Variants in KALRN observed in about 807,000 individuals in gnomAD.
The protein encoded by KALRN is kalirin.
KALRN carries 70 observed loss-of-function variants against 353.7 expected under a neutral mutation model. The observed-to-expected ratio is 0.20, with a 90% CI of 0.16 to 0.24. The LOEUF (loss-of-function observed/expected upper bound fraction) is 0.24. Ranked by LOEUF, KALRN falls within the 10% of genes least tolerant of loss-of-function variation. The probability of loss-of-function intolerance (pLI) is 1.00; values close to 1 mark genes in which losing one functional copy is unlikely to be tolerated. For synonymous variants in KALRN, 1,391 were observed against 1,434.8 expected, an observed-to-expected ratio of 0.97 and a Z score of 0.69; for missense variants, 2,791 against 3,756.7, an observed-to-expected ratio of 0.74 and a Z score of 6.72.
At chr3:124,467,438 G>A (rs2060451871) in intron 25 of KALRN, among the ~76,000 whole-genome samples, 1 of 152,190 alleles carries the variant, frequency 6.6e-6, no homozygotes, top group Admixed American at 6.5e-5. Context: ...CACAAGTGGA[G>A]CACAAAGAAA....
chr3:124,656,023 C>T (rs1272423577), intron 39 of KALRN, among the ~76,000 whole-genome samples: 1 of 152,140 alleles, frequency 6.6e-6, no homozygotes, highest in Non-Finnish European at 1.5e-5. Flanking sequence ...GCCACATAGG[C>T]ATAAAACAGT....
intron 13 of KALRN, chr3:124,407,744 G>A (rs2091724240): frequency 6.6e-6 from 1 of 152,112 alleles, no homozygotes; most frequent in Non-Finnish European, 1.5e-5. Flanking sequence ...AGATTAGCAT[G>A]GGCCCTGACG....
chr3:124,662,198 T>TC (rs200612386), intron 45 of KALRN, among the ~76,000 whole-genome samples: 12 of 98,348 alleles, frequency 1.2e-4, no homozygotes, highest in African/African-American at 2.1e-4. Flanking sequence ...GAATTCTTTT[T>TC]TTTTTTTTTT....
chr3:124,207,668 A>G (rs1422174826), intron 1 of KALRN, among the ~76,000 whole-genome samples: 1 of 152,218 alleles, frequency 6.6e-6, no homozygotes, highest in East Asian at 1.9e-4. Flanking sequence ...CCTTGGGTGC[A>G]TTATTTGCTT....
chr3:124,218,396 C>A (rs1481787849), intron 1 of KALRN, among the ~76,000 whole-genome samples: 2 of 152,172 alleles, frequency 1.3e-5, no homozygotes, highest in Non-Finnish European at 2.9e-5. Flanking sequence ...CCCCTCGGCG[C>A]CTTTGTAACT....
chr3:124,103,813 G>A (rs953711649), intron 1 of KALRN, among the ~76,000 whole-genome samples: 5 of 152,058 alleles, frequency 3.3e-5, no homozygotes, highest in South Asian at 4.1e-4. Flanking sequence ...AAAATTAGCC[G>A]GGTGTGACGG....
chr3:124,505,932 G>A (rs1042468069), intron 33 of KALRN, among the ~76,000 whole-genome samples: 1 of 152,214 alleles, frequency 6.6e-6, no homozygotes, highest in Non-Finnish European at 1.5e-5. Flanking sequence ...CTACCTGGCA[G>A]TTTAGTGTCA....
intron 58 of KALRN, among the ~76,000 whole-genome samples, chr3:124,714,999 G>A (rs1311041158): frequency 1.5e-5 from 2 of 130,884 alleles, no homozygotes; most frequent in Non-Finnish European, 3.1e-5. Context: ...CTAGGCGACA[G>A]AGTGAGACTC....
chr3:124,058,526 A>G (rs2041747267), intron 1 of KALRN, among the ~76,000 whole-genome samples: 1 of 151,462 alleles, frequency 6.6e-6, no homozygotes, highest in South Asian at 2.1e-4. Context: ...TTTTGACCCA[A>G]CTCTCCTCCA....
chr3:124,493,310 T>G (rs2108481945), intron 32 of KALRN, among the ~76,000 whole-genome samples: 1 of 152,356 alleles, frequency 6.6e-6, no homozygotes, highest in South Asian at 2.1e-4. Context: ...CTTTGTGTAC[T>G]GTAATGTGTG....
intron 6 of KALRN, among the ~76,000 whole-genome samples, chr3:124,308,183 C>G (rs1454920176): frequency 6.6e-6 from 1 of 151,960 alleles, no homozygotes; most frequent in African/African-American, 2.4e-5. Flanking sequence ...CAAAAACTGA[C>G]AGAAATGAAG....
chr3:124,351,933 A>C (rs2082873688), intron 10 of KALRN, among the ~76,000 whole-genome samples: 1 of 152,200 alleles, frequency 6.6e-6, no homozygotes, highest in Non-Finnish European at 1.5e-5. Flanking sequence ...AAGGCTTTGC[A>C]GTCATGACAG....
intron 1 of KALRN, among the ~76,000 whole-genome samples, chr3:124,155,990 C>T (rs774524866): frequency 4.6e-5 from 7 of 152,210 alleles, no homozygotes; most frequent in African/African-American, 7.2e-5. Context: ...GCTGATAAGA[C>T]AGGGTCTCCT....
At chr3:124,164,500 A>G (rs1196786935) in intron 1 of KALRN, 1 of 152,222 alleles carries the variant, frequency 6.6e-6, no homozygotes, top group Non-Finnish European at 1.5e-5. Flanking sequence ...GTGGGTCTAC[A>G]TTTTGAAATA....
rs79969391 is a variant in KALRN, at chr3:124,259,235, G to A, written c.264-5263G>A. Among the ~76,000 whole-genome samples the A allele has an allele frequency of 7.3e-4, 111 of 152,344 alleles. No individual in the cohort carries two copies. The East Asian group carries it at 7.9e-3, about 11-fold the overall frequency. On this transcript the variant is annotated intron_variant, in intron 3 of 59. Transcript: ENST00000682506. ...AAAGGAGCTAGGCTCTGACATACCT[G>A]TACCAGACAGGCACTTGCTAGCCCT...
chr3:124,528,771 G>C (rs1485260262), intron 33 of KALRN, among the ~76,000 whole-genome samples: 1 of 152,122 alleles, frequency 6.6e-6, no homozygotes, highest in Non-Finnish European at 1.5e-5. Context: ...GGCTGAATGG[G>C]GCAGGTTCAT....
At chr3:124,034,001 G>T (rs1336402653) in intron 1 of KALRN, among the ~76,000 whole-genome samples, 188 bp downstream of exon 1, 2 of 152,050 alleles carry the variant, frequency 1.3e-5, no homozygotes, top group Non-Finnish European at 2.9e-5. Flanking sequence ...TCTGGGGAGG[G>T]CGTGGGGGCT....
At chr3:124,404,597 T>TA (rs11364553) in intron 13 of KALRN, among the ~76,000 whole-genome samples, 67 of 144,710 alleles carry the variant, frequency 4.6e-4, no homozygotes, top group Non-Finnish European at 5.1e-4. Context: ...TACACTGACT[T>TA]AAAAAAAAAA....
chr3:124,446,691 C>T (rs1577009087), intron 20 of KALRN, 72 bp from the exon 21 acceptor site: 1 of 1,567,558 alleles, frequency 6.4e-7, no homozygotes, highest in Non-Finnish European at 8.8e-7. Flanking sequence ...CAATAACCTT[C>T]ATTGTAGTAT....
Sources: allele counts gnomAD v4.1 joint callset (sites outside exome capture counted in the v4.1 genomes callset), GRCh38; gene constraint gnomAD v4.1.1; transcripts MANE v1.5; gene names NCBI Gene and HGNC (gene_info 2026-07-23, HGNC 2026-07-21).